WDFY4: variants seen among roughly 807,000 people sequenced by gnomAD.
WDFY4 encodes the protein WD repeat- and FYVE domain-containing protein 4.
A neutral mutation model predicts 351.9 loss-of-function variants in WDFY4; 169 were observed. The observed-to-expected ratio is 0.48, with a 90% CI of 0.42 to 0.55. The LOEUF (loss-of-function observed/expected upper bound fraction) is 0.55, where lower values mean the gene tolerates loss of function less well. WDFY4 is among the 20% of genes least tolerant of loss of function. The probability of loss-of-function intolerance (pLI) is 0.00; values close to 1 mark genes in which losing one functional copy is unlikely to be tolerated. For synonymous variants in WDFY4, 1,622 were observed against 1,574.6 expected, an observed-to-expected ratio of 1.03 and a Z score of -0.71; for missense variants, 3,803 against 3,935.6, an observed-to-expected ratio of 0.97 and a Z score of 0.90.
intron 13 of WDFY4, among the ~76,000 whole-genome samples, chr10:48,762,276 A>G (rs1039495534): frequency 3.3e-5 from 5 of 152,194 alleles, no homozygotes; most frequent in African/African-American, 1.2e-4. Flanking sequence ...AGGAAAGGAA[A>G]TCTGTAGTGT....
intron 51 of WDFY4, among the ~76,000 whole-genome samples, chr10:48,947,778 A>G (rs374175699): frequency 1.3e-5 from 2 of 152,174 alleles, no homozygotes; most frequent in African/African-American, 2.4e-5. Context: ...ACGGGGAGAT[A>G]GCCCTCAGAT....
chr10:48,963,633 G>A (rs1056042752), intron 53 of WDFY4, among the ~76,000 whole-genome samples: 1 of 152,162 alleles, frequency 6.6e-6, no homozygotes, highest in Admixed American at 6.5e-5. Flanking sequence ...AGTCAGATCT[G>A]ATTTGCTGCT....
chr10:48,943,893 C>A (rs1037618789), intron 49 of WDFY4, among the ~76,000 whole-genome samples: 3 of 152,240 alleles, frequency 2.0e-5, no homozygotes, highest in Non-Finnish European at 2.9e-5. Context: ...CTGTGCCCGG[C>A]CTCAGATCTC....
At chr10:48,942,709 C>G (rs948118147) in intron 48 of WDFY4, among the ~76,000 whole-genome samples, 1 of 152,246 alleles carries the variant, frequency 6.6e-6, no homozygotes, top group Admixed American at 6.5e-5. Flanking sequence ...CCTGAACATA[C>G]AGGCCACATG....
At chr10:48,817,200 G>C (rs776451725) in intron 31 of WDFY4, 45 bp from the exon 32 acceptor site, 1 of 1,540,150 alleles carries the variant, frequency 6.5e-7, no homozygotes, top group Non-Finnish European at 8.8e-7. Flanking sequence ...GGGAGGCAGC[G>C]CCCATCATGC....
chr10:48,972,802 T>C (rs1590024644), intron 57 of WDFY4, among the ~76,000 whole-genome samples: 1 of 152,370 alleles, frequency 6.6e-6, no homozygotes, highest in East Asian at 1.9e-4. Flanking sequence ...ACCCGTTTCA[T>C]GGCAATGTAA....
At chr10:48,808,072 T>C (rs1052787542) in intron 28 of WDFY4, 114 bp downstream of exon 28, 1 of 818,814 alleles carries the variant, frequency 1.2e-6, no homozygotes, top group Admixed American at 3.6e-5. Flanking sequence ...CTGCAATGTA[T>C]TTCCTGCACT....
intron 35 of WDFY4, chr10:48,824,120 C>A: frequency 1.0e-6 from 1 of 985,430 alleles, no homozygotes; most frequent in Non-Finnish European, 1.2e-6. Context: ...TCTTCTACTT[C>A]TCCCTCTAAG....
At chr10:48,829,064 T>C (rs543275032) in intron 37 of WDFY4, among the ~76,000 whole-genome samples, 168 bp downstream of exon 37, 1 of 152,208 alleles carries the variant, frequency 6.6e-6, no homozygotes, top group East Asian at 1.9e-4. Flanking sequence ...TAGGAAATCC[T>C]AGGGTAATCA....
chr10:48,772,730 TATTCCCCTTCCTGTGTCC>T (rs1449601913), intron 13 of WDFY4, among the ~76,000 whole-genome samples: 1 of 147,246 alleles, frequency 6.8e-6, no homozygotes, highest in African/African-American at 2.6e-5. Flanking sequence ...CAGAGTGTGC[TATTCCCCTTCCTGTGTCC>T]ATGTGATCTC....
intron 20 of WDFY4, among the ~76,000 whole-genome samples, chr10:48,788,217 C>T (rs1262433046): frequency 9.9e-5 from 15 of 151,710 alleles, no homozygotes; most frequent in South Asian, 2.1e-4. Flanking sequence ...TTAGTAGAGA[C>T]GAGATTTCAC....
At chr10:48,952,312 A>G (rs1484476061) in intron 51 of WDFY4, among the ~76,000 whole-genome samples, 1 of 152,172 alleles carries the variant, frequency 6.6e-6, no homozygotes, top group Non-Finnish European at 1.5e-5. Flanking sequence ...AGCCTACCCA[A>G]TGCAGCCAGG....
intron 12 of WDFY4, among the ~76,000 whole-genome samples, chr10:48,754,417 T>C (rs1589527156): frequency 1.3e-5 from 2 of 151,902 alleles, no homozygotes; most frequent in Non-Finnish European, 1.5e-5. Context: ...TTGCCCTTCT[T>C]AAAGAGGCCA....
chr10:48,685,324 G>T (rs1311945933), intron 1 of WDFY4, among the ~76,000 whole-genome samples: 1 of 152,206 alleles, frequency 6.6e-6, no homozygotes, highest in African/African-American at 2.4e-5. Context: ...CCTTTCTCGG[G>T]GTCCTGCTAT....
intron 2 of WDFY4, among the ~76,000 whole-genome samples, chr10:48,713,199 T>C (rs1055315441): frequency 1.3e-5 from 2 of 152,130 alleles, no homozygotes; most frequent in Non-Finnish European, 2.9e-5. Flanking sequence ...TGGGGCTGGG[T>C]GAATCAGGTT....
intron 43 of WDFY4, among the ~76,000 whole-genome samples, chr10:48,882,641 G>A (rs1328675289): frequency 1.3e-5 from 2 of 152,180 alleles, no homozygotes; most frequent in Non-Finnish European, 2.9e-5. Flanking sequence ...ATGGTGGAAG[G>A]TGAATGGGAG....
intron 31 of WDFY4, among the ~76,000 whole-genome samples, chr10:48,814,719 C>T (rs1458714457): frequency 1.1e-4 from 17 of 152,288 alleles, no homozygotes; most frequent in Non-Finnish European, 1.0e-4. Context: ...AAACTTACTG[C>T]TTTTGTAAAA....
intron 47 of WDFY4, among the ~76,000 whole-genome samples, chr10:48,928,550 G>A (rs1839780942): frequency 6.6e-6 from 1 of 152,164 alleles, no homozygotes; most frequent in African/African-American, 2.4e-5. Context: ...CTCCCTGAGT[G>A]CAGGCTTTCA....
chr10:48,732,134 TG>T (rs1281615172), intron 9 of WDFY4, among the ~76,000 whole-genome samples: 3 of 152,230 alleles, frequency 2.0e-5, no homozygotes, highest in African/African-American at 7.2e-5. Flanking sequence ...TAGCCTCTGC[TG>T]TCCCCTGAGG....
Sources: gnomAD v4.1 joint callset for allele counts (sites outside exome capture counted in the v4.1 genomes callset) on GRCh38, gnomAD v4.1.1 for gene constraint, MANE v1.5 for transcripts, NCBI Gene and HGNC (gene_info 2026-07-23, HGNC 2026-07-21) for gene names.